DNAH2: variants seen among roughly 807,000 people sequenced by gnomAD.
DNAH2 encodes the protein dynein axonemal heavy chain 2, also known as axonemal beta dynein heavy chain 2.
Under a neutral mutation model 523.5 loss-of-function variants are expected in DNAH2, and 323 were observed. The ratio of observed to expected loss-of-function variants is 0.62; its 90% CI spans 0.56 to 0.68. The LOEUF is 0.68. Ranked by LOEUF, DNAH2 falls within the 30% of genes least tolerant of loss-of-function variation. The pLI is 0.00. For synonymous variants in DNAH2, 2,093 were observed against 2,177.4 expected (o/e 0.96, Z 1.08); for missense variants, 4,907 against 5,701.5 (o/e 0.86, Z 4.49).
Position 7,770,554 on chromosome 17 carries a change from C to T in DNAH2, c.4099-3C>T. 6.2e-7 allele frequency: 1 copy of T among 1,614,156 alleles called. No individual in the cohort carries two copies. The highest frequency in any genetic ancestry group is 8.5e-7 in the Non-Finnish European group (1 of 1,180,020). On this transcript the variant is annotated splice_region_variant and splice_polypyrimidine_tract_variant and intron_variant, in intron 25 of 85. Transcript: ENST00000572933. ...TGCTGTGTCCCCCAATTTCTCTCCA[C>T]AGGCTTTACAAAACATTGCCAAGAC...
chr17:7,798,283 T>C lies in DNAH2; in HGVS notation c.8357T>C (p.Ile2786Thr). The C allele has an allele frequency of 6.2e-7, 1 of 1,613,514 alleles. No individual in the cohort carries two copies. The highest frequency in any genetic ancestry group is 8.5e-7 in the Non-Finnish European group (1 of 1,179,556). ...ATCTGCGACTACACCACCTTCCAGA[T>C]CGAGGTCACCAAACATTATCGGAAG... ...SSICDYTTFQ[I>T]EVTKHYRKQE... is the part of the protein sequence containing the mutation. The change falls in exon 54 of 86, where the codon ATC becomes ACC. Residue 2786 changes from isoleucine (I) to threonine (T), a missense_variant. By Grantham distance (89) the Ile-to-Thr change is moderately conservative. Transcript: ENST00000572933. This position sits in a 1 kb window ranked among gnomAD's most constrained non-coding sequence, Gnocchi z 5.5.
At chr17:7,737,445 C>T (rs1178175703) in intron 8 of DNAH2, among the ~76,000 whole-genome samples, 187 bp downstream of exon 8, 2 of 152,140 alleles carry the variant, frequency 1.3e-5, no homozygotes, top group East Asian at 1.9e-4. Flanking sequence ...GCATTGGAGC[C>T]TGGGCTGGAC....
rs2077001400 is a variant in DNAH2 at position 7,794,231 on chromosome 17, C to A, written c.7570-23C>A. ...TGCCCTCTCCCCTCCTGCCTGTCTG[C>A]CCTCCTTGTCGCTGCTCTCTAGGAA... On this transcript the variant is annotated intron_variant, in intron 48 of 85. Coordinates refer to ENST00000572933, the MANE Select transcript of DNAH2 (RefSeq NM_020877.5). The A allele has an allele frequency of 3.8e-6, 6 of 1,573,536 alleles. No individual in the cohort carries two copies. The East Asian group carries it at 1.2e-4, about 31-fold the overall frequency.
rs571638949 is a variant in DNAH2 at position 7,780,900 on chromosome 17, G to A, written c.6003+118G>A. On this transcript the variant is annotated intron_variant, in intron 38 of 85. Transcript: ENST00000572933. The surrounding 1 kb of genome is among the most constrained non-coding windows in gnomAD (Gnocchi z 4.4). ...ATTGGGATTCTCACCTTCCCACCTC[G>A]TCCCATCCCCGTGTTGCCCGCTGCT... 1.8e-5 allele frequency: 28 copies of A among 1,580,130 alleles called. No homozygotes were observed. Among genetic ancestry groups the A allele is most frequent in the Non-Finnish European group, 2.2e-5 (25 of 1,159,622 alleles).
At chr17:7,775,691 CAAA>C (rs1184382847) in intron 30 of DNAH2, among the ~76,000 whole-genome samples, 1 of 82,862 alleles carries the variant, frequency 1.2e-5, no homozygotes, top group Non-Finnish European at 2.7e-5. Flanking sequence ...GTCTCAAAAC[CAAA>C]AAAAAAAAAA....
At position 7,807,650 on chromosome 17, in the gene DNAH2, A is replaced by C; in HGVS notation, c.9729+64A>C. The C allele has an allele frequency of 1.4e-6, 2 of 1,432,770 alleles. No individual in the cohort carries two copies. Among genetic ancestry groups the C allele is most frequent in the Admixed American group, 1.7e-5 (1 of 59,140 alleles). The allele number at this position is 1,432,770 out of a possible 1,614,324, so 88.8% of individuals were successfully genotyped here. A position where few individuals can be genotyped will look rare whatever the true frequency, so the allele number is the denominator to read the frequency against. ...CCCTGAGTTCTGGATTGCTTCATTAAGCATTTGTTTTCCCCCATCTAATTC... is the reference window on the plus strand; with the variant it reads ...CCCTGAGTTCTGGATTGCTTCATTACGCATTTGTTTTCCCCCATCTAATTC... On this transcript the variant is annotated intron_variant, in intron 63 of 85. Coordinates refer to ENST00000572933, the MANE Select transcript of DNAH2 (RefSeq NM_020877.5). The surrounding 1 kb of genome is among the most constrained non-coding windows in gnomAD (Gnocchi z 5.6).
chr17:7,726,637 C>T (rs915796268), intron 3 of DNAH2, among the ~76,000 whole-genome samples: 1 of 152,056 alleles, frequency 6.6e-6, no homozygotes, highest in Admixed American at 6.6e-5. Context: ...TCCCTCCTCA[C>T]TTTTTCCTTA....
intron 68 of DNAH2, 28 bp from the exon 69 acceptor site, chr17:7,818,284 C>G (rs753472140): frequency 1.9e-6 from 3 of 1,612,528 alleles, no homozygotes; most frequent in South Asian, 1.1e-5. Flanking sequence ...ACATGGAGTC[C>G]TTGCCCCTGA....
intron 51 of DNAH2, 41 bp downstream of exon 51, chr17:7,797,302 C>T (rs1203117090): frequency 1.2e-6 from 2 of 1,613,650 alleles, no homozygotes; most frequent in Admixed American, 3.3e-5. Context: ...GCTTCCTCAG[C>T]CTTGCTCCCA....
rs181978381 is a variant in DNAH2 at position 7,730,541 on chromosome 17, C to T, written c.400-2546C>T. ...TTTGTTGCACATCTTGGCTAAGCTA[C>T]TCAATTGTAGGAAAAATTAATTCCT... is the stretch of plus-strand genomic sequence containing the variant. On this transcript the variant is annotated intron_variant, in intron 4 of 85. Coordinates refer to ENST00000572933, the MANE Select transcript of DNAH2 (RefSeq NM_020877.5). 2.7e-3 allele frequency among the ~76,000 whole-genome samples: 414 copies of T among 152,320 alleles called. 1 individual carries two copies. Among genetic ancestry groups the T allele is most frequent in the African/African-American group, 9.5e-3 (393 of 41,558 alleles).
chr17:7,738,206 C>G, intron 8 of DNAH2: 1 of 666,182 alleles, frequency 1.5e-6, no homozygotes, highest in Non-Finnish European at 2.8e-6. Context: ...TTCCTGTACA[C>G]TTTGTTTAGC....
At position 7,799,269 on chromosome 17, in the gene DNAH2, G is replaced by A. The variant is rs538543160; in HGVS notation, c.8699+27G>A. The A allele has an allele frequency of 1.2e-5, 19 of 1,610,784 alleles. No individual in the cohort carries two copies. In the African/African-American group the frequency reaches 2.3e-4, roughly 19 times the overall value. ...TGACTTCTGTGACATCCTTCTCTCA[G>A]CCCCTTCTGTGTGCTCCCTCACCCT... On this transcript the variant is annotated intron_variant, in intron 56 of 85. Transcript: ENST00000572933.
chr17:7,743,496 T>C (rs1375354556), intron 12 of DNAH2: 2 of 633,700 alleles, frequency 3.2e-6, no homozygotes, highest in Middle Eastern at 3.9e-4. Context: ...CAAAACCCAG[T>C]CTCTGCAAAA....
Position 7,787,929 on chromosome 17 carries a change from G to T in DNAH2, c.6673G>T (p.Val2225Phe). 1 of 1,614,210 alleles carries T rather than the reference G, an allele frequency of 6.2e-7. No individual in the cohort carries two copies. The highest frequency in any genetic ancestry group is 8.5e-7 in the Non-Finnish European group (1 of 1,180,042). ...SPATVSRCGM[V>F]YTDYADLGWK... ...GGCCACTGTATCCCGCTGCGGGATG[G>T]TCTACACTGACTACGCTGACCTGGG... The change falls in exon 43 of 86, where the codon GTC becomes TTC. Residue 2225 changes from valine to phenylalanine, a missense_variant. Val to Phe is a conservative substitution (Grantham distance 50). Transcript: ENST00000572933.
chr17:7,776,261 T>A (rs1225298708), intron 31 of DNAH2, 112 bp downstream of exon 31: 3 of 1,286,208 alleles, frequency 2.3e-6, no homozygotes, highest in Non-Finnish European at 2.1e-6. Flanking sequence ...AGGTCAGGAG[T>A]TCAAGACCAG....
In DNAH2 at chr17:7,823,941, G is replaced by C; in HGVS notation, c.11437G>C (p.Gly3813Arg). ...GACCTCCTTCATCATCACCAACCTT[G>C]GCTCCCGCTTCATCGAGCCGCCTGT... Reference protein sequence around the residue: ...CVTSFIITNLGSRFIEPPVLN... With the variant: ...CVTSFIITNLRSRFIEPPVLN... The change falls in exon 75 of 86, where the codon GGC (glycine) becomes CGC (arginine). Residue 3813 changes from glycine (G) to arginine (R), a missense_variant. Gly to Arg is a moderately radical substitution (Grantham distance 125). Coordinates refer to ENST00000572933, the MANE Select transcript of DNAH2 (RefSeq NM_020877.5). 6.2e-7 allele frequency: 1 copy of C among 1,613,820 alleles called. No homozygotes were observed. The highest frequency in any genetic ancestry group is 8.5e-7 in the Non-Finnish European group (1 of 1,180,028).
Position 7,798,552 on chromosome 17 carries a change from G to C in DNAH2, c.8399-6G>C, listed in dbSNP as rs553740833. On this transcript the variant is annotated splice_region_variant and splice_polypyrimidine_tract_variant and intron_variant, in intron 54 of 85. Transcript: ENST00000572933. This position sits in a 1 kb window ranked among gnomAD's most constrained non-coding sequence, Gnocchi z 5.5. ...TGAGTTTGTCCTCCTTCCCTCCCCC[G>C]GCCAGATATCAAGCGTCTGTATCGC... 6.8e-6 allele frequency: 11 copies of C among 1,613,568 alleles called. No homozygotes were observed. In the African/African-American group the frequency reaches 8.0e-5, roughly 12 times the overall value.
chr17:7,830,309 G>T lies in DNAH2; in HGVS notation c.11863G>T (p.Ala3955Ser). 2 of 1,613,994 alleles carry T rather than the reference G, an allele frequency of 1.2e-6. No homozygotes were observed. The highest frequency in any genetic ancestry group is 1.7e-6 in the Non-Finnish European group (2 of 1,179,956). The change falls in exon 78 of 86, where the codon GCC (alanine) becomes TCC (serine). Residue 3955 changes from alanine (A) to serine (S), a missense_variant. Physicochemically the swap from Ala to Ser is moderately conservative, Grantham distance 99 (BLOSUM62 1). Coordinates refer to ENST00000572933, the MANE Select transcript of DNAH2 (RefSeq NM_020877.5). ...ATTTCATTGTCCCCAGGGCCTAAAG[G>T]CCAACATGACACGTCTTTACCAACT... ...MTTEPPKGLK[A>S]NMTRLYQLMS...
intron 39 of DNAH2, among the ~76,000 whole-genome samples, chr17:7,781,697 C>G (rs1406765321): frequency 6.6e-6 from 1 of 152,234 alleles, no homozygotes. Flanking sequence ...CGCTGACCTA[C>G]TCAAGTGTAC....
Sources: allele counts gnomAD v4.1 joint callset (sites outside exome capture counted in the v4.1 genomes callset), GRCh38; gene constraint gnomAD v4.1.1; non-coding constraint Gnocchi (gnomAD v3.1); transcripts MANE v1.5; gene names NCBI Gene and HGNC (gene_info 2026-07-23, HGNC 2026-07-21).